The following SLCO5A1 variants were observed in gnomAD, a reference collection of about 807,000 sequenced individuals.
SLCO5A1 encodes organic anion transporter polypeptide-related protein 4.
A neutral mutation model predicts 65.1 loss-of-function variants in SLCO5A1; 39 were observed. That is an observed-to-expected ratio of 0.60 (90% CI 0.46 to 0.78). SLCO5A1 has a LOEUF of 0.78. Among genes scored for constraint, SLCO5A1 ranks in the 30% least tolerant of loss-of-function variants. SLCO5A1 has a pLI of 0.00. For missense variants in SLCO5A1, 1,029 were observed against 1,069.4 expected (o/e 0.96, Z 0.53); for synonymous variants, 438 against 415.7 (o/e 1.05, Z -0.65).
chr8:69,799,759 T>C (rs2130901645), intron 2 of SLCO5A1, among the ~76,000 whole-genome samples: 1 of 152,236 alleles, frequency 6.6e-6, no homozygotes. Flanking sequence ...AACCATCAGA[T>C]CTTGTGAGAA....
intron 5 of SLCO5A1, among the ~76,000 whole-genome samples, chr8:69,726,260 A>T (rs969619052): frequency 6.6e-6 from 1 of 152,214 alleles, no homozygotes; most frequent in Non-Finnish European, 1.5e-5. Flanking sequence ...CTTTTTTCCC[A>T]CTAAGAGTTG....
rs191683055 is a variant in SLCO5A1 at position 69,677,924 on chromosome 8, C to T, written c.2025-1251G>A. 5.6e-4 allele frequency among the ~76,000 whole-genome samples: 86 copies of T among 152,230 alleles called. No homozygotes were observed. In the Middle Eastern group the frequency reaches 0.014, roughly 24 times the overall value. The stretch of plus-strand genomic sequence containing the variant: ...TGCACCCCCTAATCCCCCCTAATCC[C>T]CTTCCCTGCACTGCACCCCCTAATC... On this transcript the variant is annotated intron_variant, in intron 8 of 9. Coordinates refer to ENST00000260126, the MANE Select transcript of SLCO5A1 (RefSeq NM_030958.3).
intron 2 of SLCO5A1, among the ~76,000 whole-genome samples, chr8:69,780,171 A>G (rs1818733255): frequency 6.6e-6 from 1 of 152,198 alleles, no homozygotes; most frequent in Admixed American, 6.5e-5. Flanking sequence ...GCAAGGATAC[A>G]GAGAAAAGGG....
intron 2 of SLCO5A1, among the ~76,000 whole-genome samples, chr8:69,817,405 T>TGCTTCCGCCTCTTGGCTA (rs1228443667): frequency 6.6e-6 from 1 of 152,242 alleles, no homozygotes; most frequent in African/African-American, 2.4e-5. Context: ...ACACTTGGCT[T>TGCTTCCGCCTCTTGGCTA]GCTTCCGCCT....
chr8:69,705,134 C>G lies in SLCO5A1; in HGVS notation c.1519G>C (p.Ala507Pro), dbSNP rs769236958. ...AAAGACACACCACTGCAGATCATTG[C>G]TAGTTTTGCAGATTCTCTGGCACCA... ...KLGARESAKLAMICSGVSLLC... is the reference protein window; with the variant it reads ...KLGARESAKLPMICSGVSLLC... Residue 507 changes from alanine (A) to proline (P), a missense_variant, in exon 6 of 10, where the codon GCA becomes CCA. Physicochemically the swap from Ala to Pro is conservative, Grantham distance 27. Around this residue, in one of 3 missense-constraint regions of SLCO5A1, gnomAD observed 647 missense variants for 647.5 expected, o/e 1.00. Transcript: ENST00000260126. The G allele has an allele frequency of 6.2e-7, 1 of 1,614,158 alleles. No homozygotes were observed. The highest frequency in any genetic ancestry group is 8.5e-7 in the Non-Finnish European group (1 of 1,180,006).
At chr8:69,781,083 G>A (rs927787785) in intron 2 of SLCO5A1, among the ~76,000 whole-genome samples, 1 of 152,240 alleles carries the variant, frequency 6.6e-6, no homozygotes, top group Admixed American at 6.5e-5. Flanking sequence ...TGAAGCCTCA[G>A]AAGAGCATAC....
At chr8:69,794,702 C>G in intron 2 of SLCO5A1, 1 of 304,900 alleles carries the variant, frequency 3.3e-6, no homozygotes, top group Non-Finnish European at 6.6e-6. Flanking sequence ...AAGGTGCAGA[C>G]TGCAGCCATA....
intron 2 of SLCO5A1, among the ~76,000 whole-genome samples, chr8:69,812,035 C>T (rs1294259369): frequency 6.6e-6 from 1 of 152,152 alleles, no homozygotes; most frequent in Admixed American, 6.6e-5. Flanking sequence ...CCTTTGCAAC[C>T]CCTCTCATTC....
intron 2 of SLCO5A1, among the ~76,000 whole-genome samples, chr8:69,775,299 C>A (rs1436911545): frequency 6.6e-6 from 1 of 152,178 alleles, no homozygotes; most frequent in Non-Finnish European, 1.5e-5. Context: ...TAAAAAGGAA[C>A]ATACAAATGT....
chr8:69,726,123 T>C lies in SLCO5A1; in HGVS notation c.1423+11917A>G, dbSNP rs571273517. On this transcript the variant is annotated intron_variant, in intron 5 of 9. Coordinates refer to ENST00000260126, the MANE Select transcript of SLCO5A1 (RefSeq NM_030958.3). ...GTGCTTGGGAAACAAATCCCAGACA[T>C]ACGGACTGTGCTATTAATCATCAAA... Among the ~76,000 whole-genome samples, 9 of 152,336 alleles carry C rather than the reference T, an allele frequency of 5.9e-5. No homozygotes were observed. In the South Asian group the frequency reaches 1.9e-3, roughly 32 times the overall value.
chr8:69,668,225 C>T lies in SLCO5A1; in HGVS notation c.*4644G>A, dbSNP rs1813236920. On this transcript the variant is annotated 3_prime_UTR_variant, in exon 10 of 10. Coordinates refer to ENST00000260126, the MANE Select transcript of SLCO5A1 (RefSeq NM_030958.3). Reference sequence around the variant, plus strand: ...AACAAGAAGTTTGGGACAGATACAGCCAGCAGCATCCCAAAAGATGAAGAA... The same window carrying T: ...AACAAGAAGTTTGGGACAGATACAGTCAGCAGCATCCCAAAAGATGAAGAA... 6.6e-6 allele frequency: 1 copy of T among 152,082 alleles called. No homozygotes were observed. Among genetic ancestry groups the T allele is most frequent in the South Asian group, 2.1e-4 (1 of 4,824 alleles). 9.4% of individuals were successfully genotyped at this position (152,082 alleles called of 1,614,324 possible). A position where few individuals can be genotyped will look rare whatever the true frequency, so the allele number is the denominator to read the frequency against.
chr8:69,808,813 T>C (rs1161502160), intron 2 of SLCO5A1, among the ~76,000 whole-genome samples: 1 of 152,102 alleles, frequency 6.6e-6, no homozygotes, highest in Non-Finnish European at 1.5e-5. Context: ...TTGATAATCA[T>C]AACTAAAGGA....
At chr8:69,791,288 C>T (rs370939702) in intron 2 of SLCO5A1, among the ~76,000 whole-genome samples, 2 of 152,150 alleles carry the variant, frequency 1.3e-5, no homozygotes, top group African/African-American at 2.4e-5. Context: ...AGAACATGCA[C>T]GGAGCCATCC....
chr8:69,687,476 G>T (rs1406398667), intron 6 of SLCO5A1, among the ~76,000 whole-genome samples: 1 of 152,152 alleles, frequency 6.6e-6, no homozygotes, highest in Non-Finnish European at 1.5e-5. Flanking sequence ...AAACTTACAT[G>T]TAATAACCCA....
At chr8:69,763,061 A>G (rs1052629384) in intron 2 of SLCO5A1, among the ~76,000 whole-genome samples, 1 of 152,172 alleles carries the variant, frequency 6.6e-6, no homozygotes, top group African/African-American at 2.4e-5. Context: ...TGTAATCCCA[A>G]CACTTTGGGA....
chr8:69,705,354 T>A, intron 5 of SLCO5A1, 125 bp from the exon 6 acceptor site: 2 of 731,314 alleles, frequency 2.7e-6, no homozygotes, highest in Non-Finnish European at 4.5e-6. Flanking sequence ...CAATACATCT[T>A]CATTGTGTGT....
At chr8:69,827,994 T>C (rs1329017276) in intron 2 of SLCO5A1, among the ~76,000 whole-genome samples, 1 of 152,196 alleles carries the variant, frequency 6.6e-6, no homozygotes, top group Non-Finnish European at 1.5e-5. Context: ...CAAAGAGCCA[T>C]GCACTGTAGA....
At chr8:69,709,664 C>G (rs17667218) in intron 5 of SLCO5A1, among the ~76,000 whole-genome samples, 1 of 152,026 alleles carries the variant, frequency 6.6e-6, no homozygotes, top group East Asian at 1.9e-4. Context: ...GCTGTAGATT[C>G]ATTTTTTATA....
At chr8:69,700,473 G>C (rs1239661341) in intron 6 of SLCO5A1, 1 of 151,780 alleles carries the variant, frequency 6.6e-6, no homozygotes, top group African/African-American at 2.4e-5. Context: ...ATCAATGAAG[G>C]GGAGAACGAG....
Sources: gnomAD v4.1 joint callset for allele counts (sites outside exome capture counted in the v4.1 genomes callset) on GRCh38, gnomAD v4.1.1 for gene constraint, gnomAD v4.1.1 regional missense constraint, MANE v1.5 for transcripts, NCBI Gene and HGNC (gene_info 2026-07-23, HGNC 2026-07-21) for gene names.